DLC1: variants seen among roughly 807,000 people sequenced by gnomAD.
The protein encoded by DLC1 is DLC1 Rho GTPase activating protein, also known as rho GTPase-activating protein 7.
Under a neutral mutation model 140.3 loss-of-function variants are expected in DLC1, and 54 were observed. The ratio of observed to expected loss-of-function variants is 0.38; its 90% confidence interval spans 0.31 to 0.48. The LOEUF (loss-of-function observed/expected upper bound fraction) is 0.48. Among genes scored for constraint, DLC1 ranks in the 20% least tolerant of loss-of-function variants. The pLI, the probability that DLC1 is intolerant of heterozygous loss-of-function variation, is 0.96. For missense variants in DLC1, 2,536 were observed against 1,907.0 expected (o/e 1.33, Z -6.14); for synonymous variants, 986 against 728.1 (o/e 1.35, Z -5.70).
In DLC1 at chr8:13,195,598, G is replaced by T. The variant is rs1827000548; in HGVS notation, c.1349-79941C>A. On this transcript the variant is annotated intron_variant, in intron 5 of 17. Coordinates refer to ENST00000276297, the MANE Select transcript of DLC1 (RefSeq NM_182643.3). The stretch of plus-strand genomic sequence containing the variant: ...ATTGAAGTACTTCTGTGAAGAAGGA[G>T]AACTAAATTTGTTTTGGTTTGTGTA... Among the ~76,000 whole-genome samples the T allele has an allele frequency of 2.0e-5, 3 of 152,310 alleles. No homozygotes were observed. The South Asian group carries it at 6.2e-4, about 32-fold the overall frequency.
In DLC1 at chr8:13,295,954, T is replaced by TC. The variant is rs1487482955; in HGVS notation, c.1348+9314_1348+9315insG. 1.5e-3 allele frequency among the ~76,000 whole-genome samples: 190 copies of TC among 126,526 alleles called. 1 individual carries two copies. The East Asian group carries it at 0.032, about 22-fold the overall frequency. 83.0% of individuals were successfully genotyped at this position (126,526 alleles called of 152,430 possible). ...GATAAGATTCTTTGTTTTTTTTTTT[T>TC]TTTTTTTTTTTTTTTGGAGACAGAG... On this transcript the variant is annotated intron_variant, in intron 5 of 17. Coordinates refer to ENST00000276297, the MANE Select transcript of DLC1 (RefSeq NM_182643.3).
rs148813241 is a variant in DLC1, at chr8:13,401,309, A to G, written c.1173+161T>C. Among the ~76,000 whole-genome samples the G allele has an allele frequency of 7.2e-5, 11 of 152,360 alleles. No homozygotes were observed. In the East Asian group the frequency reaches 2.1e-3, roughly 29 times the overall value. ...CTGCATAGAATTATGCATAGAATGTATGCATGATGCATAGAAGTATTTTGG... is the reference window on the plus strand; with the variant it reads ...CTGCATAGAATTATGCATAGAATGTGTGCATGATGCATAGAAGTATTTTGG... On this transcript the variant is annotated intron_variant, in intron 3 of 17. Transcript: ENST00000276297.
intron 4 of DLC1, chr8:13,341,540 T>C (rs1390039017): frequency 6.6e-6 from 1 of 152,134 alleles, no homozygotes; most frequent in Non-Finnish European, 1.5e-5. Flanking sequence ...GGAGTCCGTT[T>C]TGAGATAGGG....
chr8:13,320,195 T>C (rs1833037292), intron 4 of DLC1, among the ~76,000 whole-genome samples: 1 of 152,202 alleles, frequency 6.6e-6, no homozygotes, highest in Non-Finnish European at 1.5e-5. Flanking sequence ...CTATGTCAAA[T>C]GAATTCTAAT....
At chr8:13,447,707 A>G (rs897176577) in intron 2 of DLC1, among the ~76,000 whole-genome samples, 2 of 152,232 alleles carry the variant, frequency 1.3e-5, no homozygotes, top group Non-Finnish European at 2.9e-5. Context: ...ACAAGATCAT[A>G]TAAGAAAACA....
chr8:13,579,700 A>G (rs1426549120), intron 1 of DLC1, among the ~76,000 whole-genome samples: 1 of 147,148 alleles, frequency 6.8e-6, no homozygotes, highest in Admixed American at 7.1e-5. Context: ...ATATCTTATT[A>G]TATCACAATA....
chr8:13,556,980 A>G (rs1020196834), intron 1 of DLC1, among the ~76,000 whole-genome samples: 36 of 152,222 alleles, frequency 2.4e-4, no homozygotes, highest in African/African-American at 8.4e-4. Flanking sequence ...TTAGCAATTT[A>G]TTATACAACT....
At chr8:13,087,180 C>A (rs1017185823) in intron 16 of DLC1, among the ~76,000 whole-genome samples, 3 of 152,042 alleles carry the variant, frequency 2.0e-5, no homozygotes, top group African/African-American at 7.2e-5. Flanking sequence ...GTAGGAGGAT[C>A]GCTTGAGCCC....
At chr8:13,423,807 G>T (rs1026026743) in intron 2 of DLC1, among the ~76,000 whole-genome samples, 6 of 152,016 alleles carry the variant, frequency 3.9e-5, no homozygotes, top group Non-Finnish European at 8.8e-5. Flanking sequence ...TTCAAAATCC[G>T]TGTTCTTCTC....
In DLC1 at chr8:13,188,419, CAAAAA is replaced by C. The variant is rs1178090798; in HGVS notation, c.1349-72767_1349-72763del. ...TGGGTGACAGAGCAAGACTCCGTCT[CAAAAA>C]AAAAAAAAAAAAAAAAAGAAAAGTA... On this transcript the variant is annotated intron_variant, in intron 5 of 17. Transcript: ENST00000276297. Among the ~76,000 whole-genome samples, 4 of 58,984 alleles carry C rather than the reference CAAAAA, an allele frequency of 6.8e-5. No homozygotes were observed. In the Admixed American group the frequency reaches 7.7e-4, roughly 11 times the overall value. 38.7% of individuals were successfully genotyped at this position (58,984 alleles called of 152,430 possible). A position where few individuals can be genotyped will look rare whatever the true frequency, so the allele number is the denominator to read the frequency against.
At chr8:13,379,757 T>G (rs1402155116) in intron 4 of DLC1, among the ~76,000 whole-genome samples, 1 of 152,208 alleles carries the variant, frequency 6.6e-6, no homozygotes, top group Non-Finnish European at 1.5e-5. Flanking sequence ...ATCTAGGTTT[T>G]AAGCCCCTCA....
At chr8:13,488,921 C>T (rs541860645) in intron 2 of DLC1, among the ~76,000 whole-genome samples, 38 of 152,144 alleles carry the variant, frequency 2.5e-4, no homozygotes, top group African/African-American at 8.9e-4. Context: ...CCAACGAATG[C>T]ATATTCTAGG....
rs769516056 is a variant in DLC1, at chr8:13,085,770, C to G, written c.*41G>C. 14 of 1,611,962 alleles carry G rather than the reference C, an allele frequency of 8.7e-6. No individual in the cohort carries two copies. Among genetic ancestry groups the G allele is most frequent in the Non-Finnish European group, 1.2e-5 (14 of 1,178,812 alleles). On this transcript the variant is annotated 3_prime_UTR_variant, in exon 18 of 18. Coordinates refer to ENST00000276297, the MANE Select transcript of DLC1 (RefSeq NM_182643.3). Reference sequence around the variant, plus strand: ...CAAGGACTGGCAAAAGTTCTAGAAACAAACACCATGGTGGTGGAAGCGGTT... The same window carrying G: ...CAAGGACTGGCAAAAGTTCTAGAAAGAAACACCATGGTGGTGGAAGCGGTT...
intron 3 of DLC1, among the ~76,000 whole-genome samples, chr8:13,394,597 A>C (rs1836930653): frequency 6.6e-6 from 1 of 152,042 alleles, no homozygotes; most frequent in African/African-American, 2.4e-5. Context: ...GGCACGTATC[A>C]CTCTAGGCTT....
intron 1 of DLC1, among the ~76,000 whole-genome samples, chr8:13,573,887 T>C (rs994281978): frequency 8.5e-5 from 13 of 152,188 alleles, no homozygotes; most frequent in African/African-American, 2.9e-4. Flanking sequence ...TGTGGCTTAA[T>C]TAATATGCTT....
At chr8:13,295,910 G>C (rs1384456743) in intron 5 of DLC1, among the ~76,000 whole-genome samples, 4 of 135,296 alleles carry the variant, frequency 3.0e-5, no homozygotes, top group Non-Finnish European at 4.7e-5. Context: ...AAAATTTGAA[G>C]ACATCTAAGA....
intron 2 of DLC1, among the ~76,000 whole-genome samples, chr8:13,432,546 C>T (rs1001232062): frequency 6.6e-6 from 1 of 152,080 alleles, no homozygotes; most frequent in African/African-American, 2.4e-5. Context: ...ATTCTTTGCA[C>T]TAAGAAAGGC....
chr8:13,395,978 A>G (rs1159628922), intron 3 of DLC1, among the ~76,000 whole-genome samples: 1 of 152,064 alleles, frequency 6.6e-6, no homozygotes, highest in Non-Finnish European at 1.5e-5. Flanking sequence ...TGAATGCATA[A>G]TCATAAGTAG....
At chr8:13,496,687 C>T (rs1801519449) in intron 2 of DLC1, among the ~76,000 whole-genome samples, 1 of 150,408 alleles carries the variant, frequency 6.6e-6, no homozygotes, top group Non-Finnish European at 1.5e-5. Flanking sequence ...TTATGAGCCT[C>T]TTTAAAAGTT....
Sources: gnomAD v4.1 joint callset for allele counts (sites outside exome capture counted in the v4.1 genomes callset) on GRCh38, gnomAD v4.1.1 for gene constraint, MANE v1.5 for transcripts, NCBI Gene and HGNC (gene_info 2026-07-23, HGNC 2026-07-21) for gene names.